The following ERICH6B variants were observed in gnomAD, a reference collection of about 807,000 sequenced individuals.
ERICH6B encodes glutamate-rich protein 6B.
Under a neutral mutation model 80.0 loss-of-function variants are expected in ERICH6B, and 69 were observed. That is an observed-to-expected ratio of 0.86 (90% confidence interval 0.71 to 1.05). The LOEUF (loss-of-function observed/expected upper bound fraction) is 1.05. Ranked by LOEUF, ERICH6B falls within the 50% of genes least tolerant of loss-of-function variation. The pLI, the probability that ERICH6B is intolerant of heterozygous loss-of-function variation, is 0.00. For missense variants in ERICH6B, 754 were observed against 796.1 expected (o/e 0.95, Z 0.64); for synonymous variants, 283 against 291.9 (o/e 0.97, Z 0.31).
intron 4 of ERICH6B, among the ~76,000 whole-genome samples, chr13:45,588,682 T>C (rs1317797704): frequency 6.6e-6 from 1 of 152,218 alleles, no homozygotes; most frequent in African/African-American, 2.4e-5. Context: ...AATATTGGCC[T>C]CTCTGGTCAT....
intron 14 of ERICH6B, among the ~76,000 whole-genome samples, chr13:45,543,149 C>T (rs945564424): frequency 5.3e-5 from 8 of 151,880 alleles, no homozygotes; most frequent in East Asian, 1.9e-4. Flanking sequence ...TGGAATGGGC[C>T]GGGGGAGCTG....
At chr13:45,541,854 G>A (rs1414510024) in intron 14 of ERICH6B, among the ~76,000 whole-genome samples, 174 bp from the exon 15 acceptor site, 3 of 152,188 alleles carry the variant, frequency 2.0e-5, no homozygotes, top group South Asian at 4.1e-4. Context: ...TTCCAAATAC[G>A]CTCACTTGGC....
chr13:45,564,503 T>C (rs1006860790), intron 9 of ERICH6B, among the ~76,000 whole-genome samples: 1 of 152,238 alleles, frequency 6.6e-6, no homozygotes, highest in African/African-American at 2.4e-5. Flanking sequence ...TTTTAAATCC[T>C]TAGATCAGAT....
chr13:45,584,087 C>G lies in ERICH6B; in HGVS notation c.856+2976G>C, dbSNP rs574083397. Among the ~76,000 whole-genome samples the G allele has an allele frequency of 1.4e-4, 21 of 152,344 alleles. No homozygotes were observed. In the South Asian group the frequency reaches 2.9e-3, roughly 21 times the overall value. On this transcript the variant is annotated intron_variant, in intron 5 of 14. Coordinates refer to ENST00000298738, the MANE Select transcript of ERICH6B (RefSeq NM_182542.3). Reference sequence around the variant, plus strand: ...GACCTTGAATCAGATGAGCATTCAACAACAATTTCACAAGTATTTAATAAA... The same window carrying G: ...GACCTTGAATCAGATGAGCATTCAAGAACAATTTCACAAGTATTTAATAAA...
At chr13:45,571,371 A>G (rs1213747830) in intron 8 of ERICH6B, among the ~76,000 whole-genome samples, 1 of 145,762 alleles carries the variant, frequency 6.9e-6, no homozygotes, top group Non-Finnish European at 1.5e-5. Context: ...CCCTCCAACC[A>G]TTTTTTTTTT....
rs1213027527 is a variant in ERICH6B, at chr13:45,596,536, TA to T, written c.469del (p.Tyr157IlefsTer20). ...EKEDYIEEVD[Y>X]LGKKAYLEEE... ...CTCCAGATACGCTTTCTTCCCCAGA[TA>T]ATCTACCTCCTCAATATAATCTTCC... On this transcript the variant is annotated frameshift_variant, in exon 3 of 15. Coordinates refer to ENST00000298738, the MANE Select transcript of ERICH6B (RefSeq NM_182542.3). LOFTEE classifies it high-confidence loss of function. 6.4e-7 allele frequency: 1 copy of T among 1,552,076 alleles called. No homozygotes were observed. Among genetic ancestry groups the T allele is most frequent in the Admixed American group, 2.0e-5 (1 of 50,994 alleles).
In ERICH6B at chr13:45,607,634, C is replaced by T. The variant is rs1949876109; in HGVS notation, c.-110-19G>A. The T allele has an allele frequency of 6.6e-6, 1 of 152,356 alleles. No individual in the cohort carries two copies. 9.4% of individuals were successfully genotyped at this position (152,356 alleles called of 1,614,324 possible). A position where few individuals can be genotyped will look rare whatever the true frequency, so the allele number is the denominator to read the frequency against. On this transcript the variant is annotated intron_variant, in intron 1 of 14. Coordinates refer to ENST00000298738, the MANE Select transcript of ERICH6B (RefSeq NM_182542.3). Reference sequence around the variant, plus strand: ...ATAACAGCTGAAGGAAAAATGTTTTCTGGTTAGTTATCCAGGAAGTTGGGC... The same window carrying T: ...ATAACAGCTGAAGGAAAAATGTTTTTTGGTTAGTTATCCAGGAAGTTGGGC...
At chr13:45,601,835 C>T (rs550462749) in intron 2 of ERICH6B, among the ~76,000 whole-genome samples, 2 of 152,292 alleles carry the variant, frequency 1.3e-5, no homozygotes, top group Admixed American at 1.3e-4. Context: ...GGGCAAACAT[C>T]CTGGCTCCAA....
chr13:45,573,442 G>A (rs536448198), intron 8 of ERICH6B, among the ~76,000 whole-genome samples: 1 of 152,300 alleles, frequency 6.6e-6, no homozygotes, highest in African/African-American at 2.4e-5. Flanking sequence ...AGGAACTGGA[G>A]GCTTGAGACA....
chr13:45,598,350 CAAG>C (rs1374236092), intron 2 of ERICH6B, among the ~76,000 whole-genome samples: 1 of 152,058 alleles, frequency 6.6e-6, no homozygotes, highest in African/African-American at 2.4e-5. Flanking sequence ...AATGAAGGGC[CAAG>C]AAGAGGTGGC....
intron 7 of ERICH6B, among the ~76,000 whole-genome samples, chr13:45,579,596 T>C (rs1875569295): frequency 6.6e-6 from 1 of 152,200 alleles, no homozygotes; most frequent in African/African-American, 2.4e-5. Flanking sequence ...TGAGTCTATC[T>C]GGGGAGGTGC....
rs1011443740 is a variant in ERICH6B, at chr13:45,604,559, G to A, written c.-59+3005C>T. Among the ~76,000 whole-genome samples, 8 of 152,138 alleles carry A rather than the reference G, an allele frequency of 5.3e-5. 1 individual carries two copies. The highest frequency in any genetic ancestry group is 5.2e-4 in the Admixed American group (8 of 15,282). On this transcript the variant is annotated intron_variant, in intron 2 of 14. Transcript: ENST00000298738. ...GGAAAATCAACTTTCAGGGGAAACA[G>A]AAGAGTTTACAGTCTTCATTTACAG... is the stretch of plus-strand genomic sequence containing the variant.
intron 8 of ERICH6B, among the ~76,000 whole-genome samples, chr13:45,570,550 T>A (rs991586485): frequency 6.6e-6 from 1 of 152,220 alleles, no homozygotes; most frequent in Admixed American, 6.5e-5. Flanking sequence ...TTTAGCTTCC[T>A]CTCCTTGGCT....
In ERICH6B at chr13:45,564,182, C is replaced by A. The variant is rs574779826; in HGVS notation, c.1188-394G>T. Among the ~76,000 whole-genome samples, 9 of 152,328 alleles carry A rather than the reference C, an allele frequency of 5.9e-5. No individual in the cohort carries two copies. The South Asian group carries it at 1.9e-3, about 32-fold the overall frequency. On this transcript the variant is annotated intron_variant, in intron 9 of 14. Coordinates refer to ENST00000298738, the MANE Select transcript of ERICH6B (RefSeq NM_182542.3). Reference sequence around the variant, plus strand: ...TCTATATCCCAGTGAAACCCAGAACCACCTGAAACCCCTTTGCATTTAGTA... The same window carrying A: ...TCTATATCCCAGTGAAACCCAGAACAACCTGAAACCCCTTTGCATTTAGTA...
Position 45,606,543 on chromosome 13 carries a change from ATATATTTTTT to A in ERICH6B, c.-59+1011_-59+1020del, listed in dbSNP as rs1204117003. 3.6e-4 allele frequency among the ~76,000 whole-genome samples: 4 copies of A among 11,060 alleles called. No homozygotes were observed. The South Asian group carries it at 0.012, about 32-fold the overall frequency. 7.3% of individuals were successfully genotyped at this position (11,060 alleles called of 152,430 possible). A position where few individuals can be genotyped will look rare whatever the true frequency, so the allele number is the denominator to read the frequency against. ...TATATATATATATATATATATATAT[ATATATTTTTT>A]TTTTTTTTTTTTTTTTTGGAGACAG... On this transcript the variant is annotated intron_variant, in intron 2 of 14. Transcript: ENST00000298738.
intron 2 of ERICH6B, among the ~76,000 whole-genome samples, chr13:45,604,224 C>G (rs1035594760): frequency 6.6e-6 from 1 of 152,238 alleles, no homozygotes; most frequent in Non-Finnish European, 1.5e-5. Context: ...GGGAAGGGGG[C>G]TCCTGCCCCT....
intron 2 of ERICH6B, among the ~76,000 whole-genome samples, chr13:45,607,064 G>C (rs1013513453): frequency 6.6e-6 from 1 of 152,104 alleles, no homozygotes; most frequent in African/African-American, 2.4e-5. Flanking sequence ...GAGGGCTCTG[G>C]GGAAGCACGC....
chr13:45,571,594 G>A (rs1875170596), intron 8 of ERICH6B, among the ~76,000 whole-genome samples: 1 of 152,190 alleles, frequency 6.6e-6, no homozygotes, highest in Admixed American at 6.5e-5. Context: ...TTCTATTATG[G>A]TTGAATTGTA....
At chr13:45,562,721 G>C (rs1874738635) in intron 10 of ERICH6B, among the ~76,000 whole-genome samples, 1 of 152,202 alleles carries the variant, frequency 6.6e-6, no homozygotes, top group South Asian at 2.1e-4. Context: ...CCAATGGAAG[G>C]TAAATCTGTA....
Sources: gnomAD v4.1 joint callset for allele counts (sites outside exome capture counted in the v4.1 genomes callset) on GRCh38, gnomAD v4.1.1 for gene constraint, MANE v1.5 for transcripts, NCBI Gene and HGNC (gene_info 2026-07-23, HGNC 2026-07-21) for gene names.